CADPS: variants seen among roughly 807,000 people sequenced by gnomAD.
CADPS encodes the protein calcium dependent secretion activator.
CADPS carries 57 observed loss-of-function variants against 167.3 expected under a neutral mutation model. The observed-to-expected ratio is 0.34, with a 90% CI of 0.28 to 0.42. CADPS has a LOEUF of 0.42. Ranked by LOEUF, CADPS falls within the 20% of genes least tolerant of loss-of-function variation. The pLI, the probability that CADPS is intolerant of heterozygous loss-of-function variation, is 1.00. For synonymous variants in CADPS, 676 were observed against 635.3 expected (o/e 1.06, Z -0.96); for missense variants, 1,414 against 1,738.1 (o/e 0.81, Z 3.32).
At chr3:62,585,794 T>G (rs1457167144) in intron 7 of CADPS, among the ~76,000 whole-genome samples, 1 of 152,232 alleles carries the variant, frequency 6.6e-6, no homozygotes, top group African/African-American at 2.4e-5. Context: ...CCTTATTAGA[T>G]GGATGAGAAA....
At chr3:62,600,857 A>G (rs1014268889) in intron 6 of CADPS, among the ~76,000 whole-genome samples, 54 of 152,172 alleles carry the variant, frequency 3.5e-4, no homozygotes, top group Non-Finnish European at 1.9e-4. Flanking sequence ...AGTGGTCTGC[A>G]CCTGTAGTCC....
At chr3:62,767,292 G>A (rs1455376425) in intron 1 of CADPS, among the ~76,000 whole-genome samples, 2 of 152,074 alleles carry the variant, frequency 1.3e-5, no homozygotes, top group South Asian at 2.1e-4. Flanking sequence ...TGGAAAAAGC[G>A]ACTTATATTC....
chr3:62,667,187 A>C lies in CADPS; in HGVS notation c.889-4793T>G, dbSNP rs143429964. On this transcript the variant is annotated intron_variant, in intron 3 of 29. Transcript: ENST00000383710. ...ATTAAGTCAGATGATATACATTCAA[A>C]GCACCCAGTGAGGTAGGTGTTGGCA... Among the ~76,000 whole-genome samples, 586 of 152,206 alleles carry C rather than the reference A, an allele frequency of 3.9e-3. 5 individuals carry two copies. Among genetic ancestry groups the C allele is most frequent in the African/African-American group, 0.014 (565 of 41,552 alleles).
At chr3:62,844,730 TTC>T (rs2077141090) in intron 1 of CADPS, among the ~76,000 whole-genome samples, 1 of 152,208 alleles carries the variant, frequency 6.6e-6, no homozygotes, top group African/African-American at 2.4e-5. Flanking sequence ...GGAAAATCGA[TTC>T]TTAGTATAAT....
intron 11 of CADPS, among the ~76,000 whole-genome samples, chr3:62,539,972 C>G (rs2152084312): frequency 6.6e-6 from 1 of 152,224 alleles, no homozygotes; most frequent in Admixed American, 6.5e-5. Flanking sequence ...AAGTTAAATT[C>G]AAGTCCACCT....
chr3:62,707,647 CTAAGT>C (rs750772612), intron 3 of CADPS, among the ~76,000 whole-genome samples: 20 of 152,098 alleles, frequency 1.3e-4, no homozygotes, highest in South Asian at 8.3e-4. Context: ...TATGGCTAAT[CTAAGT>C]TGAGTTGTTA....
chr3:62,574,510 G>A (rs771126208), intron 8 of CADPS, among the ~76,000 whole-genome samples: 3 of 152,154 alleles, frequency 2.0e-5, no homozygotes, highest in Non-Finnish European at 4.4e-5. Flanking sequence ...ACCTTGTGCT[G>A]CTGATGAGGC....
At chr3:62,532,749 GTA>G in intron 13 of CADPS, 120 bp downstream of exon 13, 4 of 658,732 alleles carry the variant, frequency 6.1e-6, no homozygotes, top group East Asian at 2.9e-5. Flanking sequence ...GTGTGTGTGT[GTA>G]CGTGTGCACA....
At position 62,465,545 on chromosome 3, in the gene CADPS, G is replaced by C. The variant is rs938268278; in HGVS notation, c.3553-95C>G. 6 of 790,714 alleles carry C rather than the reference G, an allele frequency of 7.6e-6. No individual in the cohort carries two copies. Among genetic ancestry groups the C allele is most frequent in the Non-Finnish European group, 1.2e-5 (6 of 492,662 alleles). 49.0% of individuals were successfully genotyped at this position (790,714 alleles called of 1,614,324 possible). A position where few individuals can be genotyped will look rare whatever the true frequency, so the allele number is the denominator to read the frequency against. On this transcript the variant is annotated intron_variant, in intron 25 of 29. Transcript: ENST00000383710. This position sits in a 1 kb window ranked among gnomAD's most constrained non-coding sequence, Gnocchi z 4.1. ...TCCCCACCACATAAAGGCTGGGATC[G>C]AGCCCTCCGTTCATTTCTGCAGTCT...
chr3:62,760,105 C>T (rs2085027252), intron 2 of CADPS, among the ~76,000 whole-genome samples: 1 of 152,036 alleles, frequency 6.6e-6, no homozygotes, highest in Non-Finnish European at 1.5e-5. Flanking sequence ...TCCTCCATGC[C>T]CAGGGAGTGA....
intron 6 of CADPS, among the ~76,000 whole-genome samples, chr3:62,622,341 G>T (rs1306438399): frequency 3.3e-5 from 5 of 152,080 alleles, no homozygotes; most frequent in Non-Finnish European, 5.9e-5. Flanking sequence ...ATTCCGCAGG[G>T]AACAAGACCA....
At chr3:62,425,988 T>G (rs2052568914) in intron 28 of CADPS, among the ~76,000 whole-genome samples, 1 of 152,208 alleles carries the variant, frequency 6.6e-6, no homozygotes, top group African/African-American at 2.4e-5. Flanking sequence ...AGATTTCCTT[T>G]AGCGATACTG....
intron 1 of CADPS, among the ~76,000 whole-genome samples, chr3:62,866,918 G>A (rs1327633261): frequency 6.6e-6 from 1 of 151,986 alleles, no homozygotes; most frequent in African/African-American, 2.4e-5. Context: ...ATGTCACAGA[G>A]CTGACCAGGA....
At chr3:62,813,908 A>G (rs1368320911) in intron 1 of CADPS, among the ~76,000 whole-genome samples, 1 of 152,178 alleles carries the variant, frequency 6.6e-6, no homozygotes, top group African/African-American at 2.4e-5. Flanking sequence ...AACACAGAGT[A>G]GAAGCTCAAT....
intron 24 of CADPS, among the ~76,000 whole-genome samples, chr3:62,469,385 G>C (rs1023213191): frequency 6.6e-6 from 1 of 152,112 alleles, no homozygotes; most frequent in African/African-American, 2.4e-5. Context: ...ATATATCAGT[G>C]GGGCAACTTT....
chr3:62,555,296 T>C (rs574473805), intron 10 of CADPS, among the ~76,000 whole-genome samples: 16 of 152,328 alleles, frequency 1.1e-4, no homozygotes, highest in East Asian at 5.8e-4. Context: ...AGAAATAAGC[T>C]TTAAAAATAT....
intron 1 of CADPS, among the ~76,000 whole-genome samples, chr3:62,776,658 C>A (rs2090389954): frequency 6.6e-6 from 1 of 151,752 alleles, no homozygotes; most frequent in Non-Finnish European, 1.5e-5. Context: ...CATCTCAAAA[C>A]AACAACAACA....
intron 1 of CADPS, among the ~76,000 whole-genome samples, chr3:62,854,314 T>C (rs1453870395): frequency 6.6e-6 from 1 of 152,218 alleles, no homozygotes; most frequent in East Asian, 1.9e-4. Flanking sequence ...TTTTGCTTTG[T>C]GAAGGTCATG....
rs182850333 is a variant in CADPS at position 62,602,459 on chromosome 3, C to T, written c.1326-9711G>A. On this transcript the variant is annotated intron_variant, in intron 6 of 29. Transcript: ENST00000383710. This position sits in a 1 kb window ranked among gnomAD's most constrained non-coding sequence, Gnocchi z 4.4. The stretch of plus-strand genomic sequence containing the variant: ...GTGTCATTTCAAGGAATGAAAGTGC[C>T]GTGGTCCTGTTGCTAAGAAGGAAAG... Among the ~76,000 whole-genome samples, 3 of 152,140 alleles carry T rather than the reference C, an allele frequency of 2.0e-5. No homozygotes were observed. The highest frequency in any genetic ancestry group is 1.9e-4 in the East Asian group (1 of 5,174).
Sources: allele counts gnomAD v4.1 joint callset (sites outside exome capture counted in the v4.1 genomes callset), GRCh38; gene constraint gnomAD v4.1.1; non-coding constraint Gnocchi (gnomAD v3.1); transcripts MANE v1.5; gene names NCBI Gene and HGNC (gene_info 2026-07-23, HGNC 2026-07-21).